Variants in INVS observed in about 807,000 individuals in gnomAD.
The protein encoded by INVS is inversion of embryo turning homolog.
INVS carries 86 observed loss-of-function variants against 108.8 expected under a neutral mutation model. The ratio of observed to expected loss-of-function variants is 0.79; its 90% CI spans 0.66 to 0.95. INVS has a LOEUF of 0.95. Ranked by LOEUF, INVS falls within the 40% of genes least tolerant of loss-of-function variation. INVS has a pLI of 0.00. For missense variants in INVS, 1,169 were observed against 1,297.4 expected (o/e 0.90, Z 1.52); for synonymous variants, 455 against 473.5 (o/e 0.96, Z 0.51).
At chr9:100,135,663 A>G (rs1418276754) in intron 3 of INVS, among the ~76,000 whole-genome samples, 2 of 152,222 alleles carry the variant, frequency 1.3e-5, no homozygotes, top group Admixed American at 6.5e-5. Flanking sequence ...GGTAGGATAT[A>G]CTAGTCCAGG....
intron 12 of INVS, among the ~76,000 whole-genome samples, chr9:100,278,312 C>A (rs749670867): frequency 1.3e-5 from 2 of 150,912 alleles, no homozygotes; most frequent in Non-Finnish European, 2.9e-5. Context: ...ATGCATACTT[C>A]TCCCTCTGCC....
At chr9:100,281,638 A>G (rs1460390551) in intron 12 of INVS, among the ~76,000 whole-genome samples, 2 of 152,164 alleles carry the variant, frequency 1.3e-5, no homozygotes, top group East Asian at 3.8e-4. Flanking sequence ...AAAAAACATT[A>G]ATTATATTTG....
rs373472252 is a variant in INVS at position 100,252,484 on chromosome 9, GAATTCTTGC to G, written c.1234+48_1234+56del. 14 of 1,543,230 alleles carry G rather than the reference GAATTCTTGC, an allele frequency of 9.1e-6. No individual in the cohort carries two copies. The African/African-American group carries it at 1.2e-4, about 13-fold the overall frequency. ...CTAATAAGTCTCTCTTAACAGGTAGGAATTCTTGCATACTCTGTTTAAGATAAAGCTTTC... is the reference window on the plus strand; with the variant it reads ...CTAATAAGTCTCTCTTAACAGGTAGGATACTCTGTTTAAGATAAAGCTTTC... On this transcript the variant is annotated intron_variant, in intron 9 of 16. Transcript: ENST00000262457.
chr9:100,265,380 C>A (rs958122804), intron 11 of INVS, among the ~76,000 whole-genome samples: 28 of 152,060 alleles, frequency 1.8e-4, no homozygotes, highest in African/African-American at 6.3e-4. Context: ...AAATACTGAG[C>A]CAGAATAGAA....
At chr9:100,147,043 TATTAA>T (rs1388307340) in intron 3 of INVS, among the ~76,000 whole-genome samples, 4 of 152,352 alleles carry the variant, frequency 2.6e-5, no homozygotes, top group African/African-American at 7.2e-5. Context: ...TGAATGGATT[TATTAA>T]ATTAATGTGT....
At chr9:100,119,682 C>T (rs950118862) in intron 2 of INVS, among the ~76,000 whole-genome samples, 5 of 152,146 alleles carry the variant, frequency 3.3e-5, no homozygotes, top group African/African-American at 7.2e-5. Flanking sequence ...CGCAGGCTCC[C>T]GAGTAGCTGG....
At position 100,300,937 on chromosome 9, in the gene INVS, T is replaced by C. The variant is rs1310887766; in HGVS notation, c.*263T>C. 2.0e-6 allele frequency: 1 copy of C among 510,894 alleles called. No individual in the cohort carries two copies. The allele number at this position is 510,894 out of a possible 1,614,324, so 31.6% of individuals were successfully genotyped here. On this transcript the variant is annotated 3_prime_UTR_variant, in exon 17 of 17. Coordinates refer to ENST00000262457, the MANE Select transcript of INVS (RefSeq NM_014425.5). ...GTGCAAAGTGCCTGAGTGTCTGCTT[T>C]CACCTCAGTCTGTACAGTTGGAAAT...
intron 3 of INVS, among the ~76,000 whole-genome samples, chr9:100,160,458 C>A (rs1356616737): frequency 1.3e-5 from 2 of 152,144 alleles, no homozygotes; most frequent in African/African-American, 4.8e-5. Context: ...CCTTTTTAGT[C>A]TCATCATTTA....
chr9:100,148,020 C>CAAA (rs551874913), intron 3 of INVS, among the ~76,000 whole-genome samples: 5 of 79,088 alleles, frequency 6.3e-5, no homozygotes, highest in Admixed American at 1.5e-4. Context: ...CCTGTCTCTA[C>CAAA]AAAAAAAAAA....
At chr9:100,176,526 G>C (rs1829715981) in intron 3 of INVS, among the ~76,000 whole-genome samples, 1 of 152,080 alleles carries the variant, frequency 6.6e-6, no homozygotes, top group South Asian at 2.1e-4. Context: ...GCCTGGGCTA[G>C]AGTGCAGTGG....
rs752431683 is a variant in INVS, at chr9:100,104,638, C to T, written c.106+11C>T. ...AGAGGCTCATCGTAGGTAAGCAGTCCCCTTAAGTACAGAAACTTTAAAAGC... is the reference window on the plus strand; with the variant it reads ...AGAGGCTCATCGTAGGTAAGCAGTCTCCTTAAGTACAGAAACTTTAAAAGC... On this transcript the variant is annotated intron_variant, in intron 2 of 16. Transcript: ENST00000262457. The T allele has an allele frequency of 3.8e-6, 6 of 1,571,572 alleles. No homozygotes were observed. The highest frequency in any genetic ancestry group is 1.4e-5 in the African/African-American group (1 of 74,028).
chr9:100,271,520 G>A (rs961420238), intron 11 of INVS, among the ~76,000 whole-genome samples: 7 of 152,158 alleles, frequency 4.6e-5, no homozygotes, highest in African/African-American at 1.7e-4. Context: ...GAGTGAAACG[G>A]CTATGTCAAA....
chr9:100,141,404 G>A lies in INVS; in HGVS notation c.273+14855G>A, dbSNP rs962277008. Among the ~76,000 whole-genome samples, 3 of 152,146 alleles carry A rather than the reference G, an allele frequency of 2.0e-5. No individual in the cohort carries two copies. In the East Asian group the frequency reaches 5.8e-4, roughly 29 times the overall value. Reference sequence around the variant, plus strand: ...CTTTCCTGAAGACTGAGGACCGTAAGGGAAATAAAGGTTTCACTGAATACC... The same window carrying A: ...CTTTCCTGAAGACTGAGGACCGTAAAGGAAATAAAGGTTTCACTGAATACC... On this transcript the variant is annotated intron_variant, in intron 3 of 16. Coordinates refer to ENST00000262457, the MANE Select transcript of INVS (RefSeq NM_014425.5).
chr9:100,235,528 G>C (rs964305180), intron 5 of INVS, among the ~76,000 whole-genome samples: 2 of 151,962 alleles, frequency 1.3e-5, no homozygotes, highest in African/African-American at 4.8e-5. Context: ...ATATTTAGTG[G>C]TTCCTACAGG....
chr9:100,295,741 G>A (rs1490696800), intron 14 of INVS, among the ~76,000 whole-genome samples: 16 of 152,172 alleles, frequency 1.1e-4, no homozygotes, highest in Non-Finnish European at 2.2e-4. Context: ...CAGGATCCTG[G>A]ACAAGCTGAG....
intron 3 of INVS, among the ~76,000 whole-genome samples, chr9:100,188,344 C>T (rs137949418): frequency 8.9e-4 from 136 of 152,176 alleles, no homozygotes; most frequent in African/African-American, 2.7e-3. Flanking sequence ...TATACTTAGA[C>T]GGAACATACC....
Position 100,272,900 on chromosome 9 carries a change from C to T in INVS, c.1608C>T (p.Arg536=). Residue 536 remains arginine (R), a synonymous_variant, in exon 12 of 17, where the codon CGC becomes CGT. Transcript: ENST00000262457. The part of the protein sequence containing the change: ...TPLDYALLGE[R]HEVIQFMLEH... ...TTGATTATGCTTTGCTTGGTGAGCG[C>T]CATGAAGTGATCCAGTTCATGTTGG... The T allele has an allele frequency of 6.2e-7, 1 of 1,614,062 alleles. No homozygotes were observed. Among genetic ancestry groups the T allele is most frequent in the South Asian group, 1.1e-5 (1 of 91,060 alleles).
At chr9:100,107,607 A>G (rs949359107) in intron 2 of INVS, among the ~76,000 whole-genome samples, 1 of 151,994 alleles carries the variant, frequency 6.6e-6, no homozygotes, top group Non-Finnish European at 1.5e-5. Context: ...TGTCTGAATA[A>G]CTCTTAGTCA....
intron 11 of INVS, among the ~76,000 whole-genome samples, chr9:100,270,439 C>A (rs1832915470): frequency 6.6e-6 from 1 of 151,886 alleles, no homozygotes; most frequent in Non-Finnish European, 1.5e-5. Flanking sequence ...GGCGAAATCC[C>A]ATCTCTACAA....
Sources: gnomAD v4.1 joint callset for allele counts (sites outside exome capture counted in the v4.1 genomes callset) on GRCh38, gnomAD v4.1.1 for gene constraint, MANE v1.5 for transcripts, NCBI Gene and HGNC (gene_info 2026-07-23, HGNC 2026-07-21) for gene names.